TBX19: variants seen among roughly 807,000 people sequenced by gnomAD.
The protein encoded by TBX19 is T-box transcription factor 19.
A neutral mutation model predicts 40.9 loss-of-function variants in TBX19; 33 were observed. The observed-to-expected ratio is 0.81, with a 90% CI of 0.61 to 1.08. TBX19 has a LOEUF of 1.08. Ranked by LOEUF, TBX19 falls within the 50% of genes least tolerant of loss-of-function variation. The pLI is 0.00. For synonymous variants in TBX19, 220 were observed against 225.0 expected, an observed-to-expected ratio of 0.98 and a Z score of 0.20; for missense variants, 494 against 574.0, an observed-to-expected ratio of 0.86 and a Z score of 1.42.
At chr1:168,297,057 A>ATATTTCTTTGTCTC (rs1336937562) in intron 3 of TBX19, among the ~76,000 whole-genome samples, 9 of 152,174 alleles carry the variant, frequency 5.9e-5, no homozygotes, top group African/African-American at 2.2e-4. Flanking sequence ...TGAAAAATAA[A>ATATTTCTTTGTCTC]TATTTCTTTG....
chr1:168,313,512 C>G lies in TBX19; in HGVS notation c.*510C>G, dbSNP rs1439036309. On this transcript the variant is annotated 3_prime_UTR_variant, in exon 8 of 8. Coordinates refer to ENST00000367821, the MANE Select transcript of TBX19 (RefSeq NM_005149.3). ...GGTTAACAAAAAGAATAAAGCTAAT[C>G]ATGTATTACAAACAGCAGTGTGCCC... 1.6e-5 allele frequency: 3 copies of G among 187,548 alleles called. No individual in the cohort carries two copies. The South Asian group carries it at 3.5e-4, about 22-fold the overall frequency. The allele number at this position is 187,548 out of a possible 1,614,324, so 11.6% of individuals were successfully genotyped here.
Position 168,313,180 on chromosome 1 carries a change from G to T in TBX19, c.*178G>T. The stretch of plus-strand genomic sequence containing the variant: ...GGTTCAGTTTGGATGATGCTAGTTA[G>T]ATCATTTGCATCTCTCCACCATTTT... On this transcript the variant is annotated 3_prime_UTR_variant, in exon 8 of 8. Transcript: ENST00000367821. The T allele has an allele frequency of 2.8e-6, 2 of 704,598 alleles. No homozygotes were observed. The highest frequency in any genetic ancestry group is 3.6e-5 in the South Asian group (2 of 54,930). 43.6% of individuals were successfully genotyped at this position (704,598 alleles called of 1,614,324 possible).
chr1:168,285,554 C>T (rs925548218), intron 1 of TBX19, among the ~76,000 whole-genome samples: 9 of 152,122 alleles, frequency 5.9e-5, no homozygotes, highest in African/African-American at 2.2e-4. Flanking sequence ...AATAAAAGCC[C>T]AACAGTTTAT....
At chr1:168,300,618 T>C (rs1018898122) in intron 5 of TBX19, 135 bp downstream of exon 5, 6 of 841,884 alleles carry the variant, frequency 7.1e-6, no homozygotes, top group Non-Finnish European at 1.2e-5. Context: ...TTTATTCTAT[T>C]AAGGACAAAT....
intron 5 of TBX19, among the ~76,000 whole-genome samples, chr1:168,302,057 G>A (rs1572480856): frequency 6.6e-6 from 1 of 152,106 alleles, no homozygotes; most frequent in Non-Finnish European, 1.5e-5. Flanking sequence ...TAAAAACCTC[G>A]TTTTCTAGGT....
intron 1 of TBX19, among the ~76,000 whole-genome samples, chr1:168,282,048 G>A (rs892270938): frequency 2.6e-5 from 4 of 152,166 alleles, no homozygotes; most frequent in African/African-American, 9.7e-5. Flanking sequence ...TAGAGGAGAC[G>A]CAAATATTTT....
At chr1:168,295,072 C>T (rs533978247) in intron 3 of TBX19, among the ~76,000 whole-genome samples, 4 of 152,204 alleles carry the variant, frequency 2.6e-5, no homozygotes, top group Admixed American at 1.3e-4. Context: ...GCGGGCAGAT[C>T]ATGAGGTCAG....
intron 5 of TBX19, among the ~76,000 whole-genome samples, chr1:168,304,024 A>G (rs1051032632): frequency 6.6e-6 from 1 of 152,130 alleles, no homozygotes; most frequent in Non-Finnish European, 1.5e-5. Flanking sequence ...TCCTGTGACT[A>G]AGAATTCCTA....
chr1:168,288,274 AT>A lies in TBX19; in HGVS notation c.204-2876del, dbSNP rs200936552. Reference sequence around the variant, plus strand: ...AATGCTATGTAAATAGTTATGCCATATTTTTTTTTTGTATTATTTTTTATTG... The same window carrying A: ...AATGCTATGTAAATAGTTATGCCATATTTTTTTTTGTATTATTTTTTATTG... On this transcript the variant is annotated intron_variant, in intron 1 of 7. Coordinates refer to ENST00000367821, the MANE Select transcript of TBX19 (RefSeq NM_005149.3). 9.7e-3 allele frequency among the ~76,000 whole-genome samples: 844 copies of A among 86,858 alleles called. 5 individuals are homozygous for A. Among genetic ancestry groups the A allele is most frequent in the Admixed American group, 0.019 (178 of 9,590 alleles). 57.0% of individuals were successfully genotyped at this position (86,858 alleles called of 152,430 possible).
rs1413438194 is a variant in TBX19, at chr1:168,305,157, T to C, written c.877T>C (p.Tyr293His). The C allele has an allele frequency of 6.2e-6, 10 of 1,613,522 alleles. No homozygotes were observed. The highest frequency in any genetic ancestry group is 7.6e-6 in the Non-Finnish European group (9 of 1,180,036). ...TCTCCGAGGACACCGGCAGGCTCCC[T>C]ACCCTTCTGCGTACATGCACAGAAA... ...SGLRGHRQAP[Y>H]PSAYMHRNHS... Residue 293 changes from tyrosine to histidine, a missense_variant, in exon 6 of 8, where the codon TAC (tyrosine) becomes CAC (histidine). By Grantham distance (83) the Tyr-to-His change is moderately conservative. Coordinates refer to ENST00000367821, the MANE Select transcript of TBX19 (RefSeq NM_005149.3).
Position 168,296,121 on chromosome 1 carries a change from G to A in TBX19, c.604-1603G>A, listed in dbSNP as rs1016914151. 5.3e-5 allele frequency among the ~76,000 whole-genome samples: 8 copies of A among 152,150 alleles called. No individual in the cohort carries two copies. The East Asian group carries it at 7.7e-4, about 15-fold the overall frequency. ...GATGCACCCCGAGTGGCGAGTGGGCGTGGGGGTGGGTGAAGGAGGCCAGTG... is the reference window on the plus strand; with the variant it reads ...GATGCACCCCGAGTGGCGAGTGGGCATGGGGGTGGGTGAAGGAGGCCAGTG... On this transcript the variant is annotated intron_variant, in intron 3 of 7. Transcript: ENST00000367821.
chr1:168,291,339 C>T lies in TBX19; in HGVS notation c.383C>T (p.Ser128Phe), dbSNP rs74315377. ...AGCTGCGTCTACATTCACCCGGACT[C>T]CCCCAACTTTGGGGCCCACTGGATG... ...SHSCVYIHPD[S>F]PNFGAHWMKA... Residue 128 changes from serine (S) to phenylalanine (F), a missense_variant, in exon 2 of 8, where the codon TCC (serine) becomes TTC (phenylalanine). By Grantham distance (155) the Ser-to-Phe change is radical. Coordinates refer to ENST00000367821, the MANE Select transcript of TBX19 (RefSeq NM_005149.3). 10 of 1,614,218 alleles carry T rather than the reference C, an allele frequency of 6.2e-6. No individual in the cohort carries two copies. Among genetic ancestry groups the T allele is most frequent in the South Asian group, 1.1e-5 (1 of 91,084 alleles).
At position 168,281,288 on chromosome 1, in the gene TBX19, T is replaced by C. The variant is rs1328827099; in HGVS notation, c.198T>C (p.Asn66=). The C allele has an allele frequency of 1.2e-6, 2 of 1,614,022 alleles. No individual in the cohort carries two copies. The highest frequency in any genetic ancestry group is 1.7e-6 in the Non-Finnish European group (2 of 1,180,016). ...CTAATGAGATGATTGTGACCAAGAATGGCAGGTGAGTTTATCTGCCGCCCC... is the reference window on the plus strand; with the variant it reads ...CTAATGAGATGATTGTGACCAAGAACGGCAGGTGAGTTTATCTGCCGCCCC... ...EVTNEMIVTK[N]GRRMFPVLKI... Residue 66 remains asparagine (N), a synonymous_variant, in exon 1 of 8, where the codon AAT becomes AAC. Transcript: ENST00000367821.
At chr1:168,298,761 A>ATTCCC (rs1301391011) in intron 4 of TBX19, among the ~76,000 whole-genome samples, 1 of 60,336 alleles carries the variant, frequency 1.7e-5, no homozygotes, top group African/African-American at 6.7e-5. Context: ...CTTCCCTTCC[A>ATTCCC]TTCCCTTCCC....
At chr1:168,300,347 G>A in intron 4 of TBX19, 75 bp from the exon 5 acceptor site, 1 of 1,379,156 alleles carries the variant, frequency 7.3e-7, no homozygotes, top group African/African-American at 1.4e-5. Context: ...TCTTCAAGGA[G>A]AATTTTGGGT....
At position 168,291,312 on chromosome 1, in the gene TBX19, A is replaced by G; in HGVS notation, c.356A>G (p.His119Arg). 6.2e-7 allele frequency: 1 copy of G among 1,614,248 alleles called. No homozygotes were observed. The highest frequency in any genetic ancestry group is 8.5e-7 in the Non-Finnish European group (1 of 1,180,040). Reference sequence around the variant, plus strand: ...GCTGGCAAGCCAGAGGTCTCCAGCCACAGCTGCGTCTACATTCACCCGGAC... The same window carrying G: ...GCTGGCAAGCCAGAGGTCTCCAGCCGCAGCTGCGTCTACATTCACCCGGAC... ...VPAGKPEVSS[H>R]SCVYIHPDSP... Residue 119 changes from histidine to arginine, a missense_variant, in exon 2 of 8, where the codon CAC (histidine) becomes CGC (arginine). His to Arg is a conservative substitution (Grantham distance 29). Transcript: ENST00000367821.
intron 3 of TBX19, among the ~76,000 whole-genome samples, chr1:168,296,350 G>C (rs1649104070): frequency 6.6e-6 from 1 of 152,148 alleles, no homozygotes; most frequent in South Asian, 2.1e-4. Flanking sequence ...ACCTGAGACT[G>C]GGTAATTTAT....
In TBX19 at chr1:168,300,411, T is replaced by C; in HGVS notation, c.666-11T>C. The C allele has an allele frequency of 1.2e-6, 2 of 1,613,986 alleles. No individual in the cohort carries two copies. Among genetic ancestry groups the C allele is most frequent in the Non-Finnish European group, 1.7e-6 (2 of 1,179,930 alleles). ...TTGGACAGCCATGGTGCATTTTCTT[T>C]ACTCTTTCAGAAATCACCTAAGAGA... On this transcript the variant is annotated splice_polypyrimidine_tract_variant and intron_variant, in intron 4 of 7. Transcript: ENST00000367821.
At position 168,305,081 on chromosome 1, in the gene TBX19, T is replaced by A. The variant is rs1649368576; in HGVS notation, c.801T>A (p.Pro267=). The A allele has an allele frequency of 3.7e-6, 6 of 1,614,186 alleles. No homozygotes were observed. In the East Asian group the frequency reaches 1.3e-4, roughly 36 times the overall value. The part of the protein sequence containing the change: ...AGNSNYQYAA[P]LPLPAPHTHH... ...ACTCCAATTACCAGTATGCCGCTCCTCTGCCTCTGCCTGCTCCCCACACCC... is the reference window on the plus strand; with the variant it reads ...ACTCCAATTACCAGTATGCCGCTCCACTGCCTCTGCCTGCTCCCCACACCC... The change falls in exon 6 of 8, where the codon CCT becomes CCA. Residue 267 remains proline (P), a synonymous_variant. Coordinates refer to ENST00000367821, the MANE Select transcript of TBX19 (RefSeq NM_005149.3).
Sources: gnomAD v4.1 joint callset for allele counts (sites outside exome capture counted in the v4.1 genomes callset) on GRCh38, gnomAD v4.1.1 for gene constraint, MANE v1.5 for transcripts, NCBI Gene and HGNC (gene_info 2026-07-23, HGNC 2026-07-21) for gene names.